RNF130: variants seen among roughly 807,000 people sequenced by gnomAD.
RNF130 encodes E3 ubiquitin-protein ligase RNF130.
Under a neutral mutation model 44.6 loss-of-function variants are expected in RNF130, and 21 were observed. The ratio of observed to expected loss-of-function variants is 0.47; its 90% CI spans 0.33 to 0.68. The LOEUF (loss-of-function observed/expected upper bound fraction) is 0.68. Ranked by LOEUF, RNF130 falls within the 30% of genes least tolerant of loss-of-function variation. The pLI, the probability that RNF130 is intolerant of heterozygous loss-of-function variation, is 0.02. For missense variants in RNF130, 479 were observed against 560.6 expected, an observed-to-expected ratio of 0.85 and a Z score of 1.47; for synonymous variants, 214 against 210.4, an observed-to-expected ratio of 1.02 and a Z score of -0.15.
intron 3 of RNF130, among the ~76,000 whole-genome samples, chr5:179,998,083 GC>G: frequency 6.7e-6 from 1 of 149,064 alleles, no homozygotes; most frequent in African/African-American, 2.5e-5. Flanking sequence ...CTCGTGATCC[GC>G]CACCTTGGCC....
chr5:180,040,553 C>T lies in RNF130; in HGVS notation c.342G>A (p.Thr114=), dbSNP rs61754470. Residue 114 remains threonine (T), a synonymous_variant, in exon 2 of 9, where the codon ACG becomes ACA. Coordinates refer to ENST00000521389, the MANE Select transcript of RNF130 (RefSeq NM_018434.6). ...CGGCCCGTGATATTTTCTCTTTAAA[C>T]GTGCAGTTTCCCCTCTGCAGCAAGG... ...WIALLQRGNC[T]FKEKISRAAF... 4,039 of 1,614,142 alleles carry T rather than the reference C, an allele frequency of 2.5e-3. 18 individuals carry two copies. Among genetic ancestry groups the T allele is most frequent in the Middle Eastern group, 8.9e-3 (54 of 6,062 alleles).
At chr5:179,929,993 G>C (rs766563477) in intron 7 of RNF130, among the ~76,000 whole-genome samples, 1 of 151,990 alleles carries the variant, frequency 6.6e-6, no homozygotes, top group Non-Finnish European at 1.5e-5. Flanking sequence ...ATATTCCTCA[G>C]TATGATGTTT....
chr5:180,029,145 G>A (rs1764064679), intron 2 of RNF130, among the ~76,000 whole-genome samples: 1 of 152,086 alleles, frequency 6.6e-6, no homozygotes, highest in African/African-American at 2.4e-5. Context: ...TATTTTAGAG[G>A]TACTATATCA....
intron 5 of RNF130, 30 bp from the exon 6 acceptor site, chr5:179,970,536 G>C: frequency 6.5e-7 from 1 of 1,530,182 alleles, no homozygotes; most frequent in Non-Finnish European, 8.9e-7. Flanking sequence ...TATGTCACAA[G>C]TTACATACCA....
At chr5:179,947,825 T>C (rs1762066814) in intron 7 of RNF130, among the ~76,000 whole-genome samples, 1 of 152,194 alleles carries the variant, frequency 6.6e-6, no homozygotes. Context: ...ATGGTATATA[T>C]ATACCTACAC....
chr5:179,971,891 CTGTT>C (rs1180069764), intron 5 of RNF130, among the ~76,000 whole-genome samples: 5 of 152,212 alleles, frequency 3.3e-5, no homozygotes, highest in African/African-American at 1.2e-4. Flanking sequence ...CTGCCTATCA[CTGTT>C]TGATGGCCTT....
At chr5:179,938,732 A>G (rs1761932706) in intron 7 of RNF130, among the ~76,000 whole-genome samples, 1 of 152,216 alleles carries the variant, frequency 6.6e-6, no homozygotes, top group African/African-American at 2.4e-5. Context: ...AACCAGAAAT[A>G]TATTATCATT....
chr5:179,933,811 A>G, intron 7 of RNF130: 1 of 710,636 alleles, frequency 1.4e-6, no homozygotes, highest in East Asian at 3.3e-5. Context: ...ATCACTAGAT[A>G]AAGAATCCCA....
intron 3 of RNF130, among the ~76,000 whole-genome samples, chr5:179,987,065 T>A (rs1438637974): frequency 2.0e-5 from 3 of 152,242 alleles, no homozygotes; most frequent in Middle Eastern, 3.2e-3. Context: ...TTTGTTTTTT[T>A]TCTACATATG....
At chr5:179,938,327 T>C (rs1167043248) in intron 7 of RNF130, among the ~76,000 whole-genome samples, 1 of 151,990 alleles carries the variant, frequency 6.6e-6, no homozygotes, top group Non-Finnish European at 1.5e-5. Context: ...ATACTTTGCA[T>C]GATTCAATTC....
intron 8 of RNF130, among the ~76,000 whole-genome samples, chr5:179,960,699 T>C (rs1278777757): frequency 6.6e-6 from 1 of 152,216 alleles, no homozygotes; most frequent in Non-Finnish European, 1.5e-5. Context: ...AAAGGTAAAC[T>C]ATTCTAGTAG....
intron 1 of RNF130, among the ~76,000 whole-genome samples, chr5:180,058,805 G>A (rs527388554): frequency 6.6e-6 from 1 of 152,114 alleles, no homozygotes; most frequent in Admixed American, 6.5e-5. Context: ...CAAGTGATCT[G>A]CCCACCTCAG....
intron 3 of RNF130, among the ~76,000 whole-genome samples, chr5:179,983,431 T>C (rs922083510): frequency 1.3e-5 from 2 of 151,964 alleles, no homozygotes; most frequent in Non-Finnish European, 2.9e-5. Flanking sequence ...TTTCTAAATC[T>C]GTCAAAAACC....
exon 8 of RNF130, chr5:179,916,465 T>C (rs1347677857): frequency 1.3e-5 from 2 of 152,248 alleles, no homozygotes; most frequent in Non-Finnish European, 2.9e-5. Flanking sequence ...GAAGAGCTTA[T>C]AAAGCCAATA....
Position 179,963,572 on chromosome 5 carries a change from C to A in RNF130, c.1151-8G>T. On this transcript the variant is annotated splice_region_variant and splice_polypyrimidine_tract_variant and intron_variant, in intron 7 of 8. Transcript: ENST00000521389. ...CAATAATAAACCATTCTTCTGTTGACAAAGGAAAGGGAGGAAATCACTCTG... is the reference window on the plus strand; with the variant it reads ...CAATAATAAACCATTCTTCTGTTGAAAAAGGAAAGGGAGGAAATCACTCTG... 1 of 1,597,228 alleles carries A rather than the reference C, an allele frequency of 6.3e-7. No homozygotes were observed. The highest frequency in any genetic ancestry group is 8.6e-7 in the Non-Finnish European group (1 of 1,165,294).
rs367630111 is a variant in RNF130 at position 180,013,169 on chromosome 5, T to C, written c.585A>G (p.Leu195=). The part of the protein sequence containing the change: ...MPPKNFSRGS[L]VFVSISFIVL... The stretch of plus-strand genomic sequence containing the variant: ...CAATAAAGGATATTGACACGAAGAC[T>C]AGAGAGCCACGGCTGAAGTTCTTCG... Residue 195 remains leucine, a synonymous_variant, in exon 3 of 9, where the codon CTA becomes CTG. Transcript: ENST00000521389. The C allele has an allele frequency of 1.2e-6, 2 of 1,614,144 alleles. No homozygotes were observed. Among genetic ancestry groups the C allele is most frequent in the Non-Finnish European group, 1.7e-6 (2 of 1,180,020 alleles).
intron 8 of RNF130, among the ~76,000 whole-genome samples, chr5:179,960,013 C>G (rs1762292057): frequency 1.3e-5 from 2 of 152,144 alleles, no homozygotes; most frequent in African/African-American, 2.4e-5. Flanking sequence ...CACTAAACTT[C>G]AAATCTCTAC....
rs1763070353 is a variant in RNF130, at chr5:179,991,015, C to T, written c.694-10815G>A. 2.0e-5 allele frequency among the ~76,000 whole-genome samples: 3 copies of T among 152,234 alleles called. No homozygotes were observed. The South Asian group carries it at 6.2e-4, about 32-fold the overall frequency. ...CCTCGGCACCTGGGTGGCTTGTTGCCCACATTTGCTTGTCTGAGAAAGACC... is the reference window on the plus strand; with the variant it reads ...CCTCGGCACCTGGGTGGCTTGTTGCTCACATTTGCTTGTCTGAGAAAGACC... On this transcript the variant is annotated intron_variant, in intron 3 of 8. Transcript: ENST00000521389.
intron 3 of RNF130, among the ~76,000 whole-genome samples, chr5:179,986,656 G>A (rs750475159): frequency 6.6e-6 from 1 of 152,114 alleles, no homozygotes; most frequent in Non-Finnish European, 1.5e-5. Context: ...AATTTTATGC[G>A]GTTATGATTT....
Sources: gnomAD v4.1 joint callset for allele counts (sites outside exome capture counted in the v4.1 genomes callset) on GRCh38, gnomAD v4.1.1 for gene constraint, MANE v1.5 for transcripts, NCBI Gene and HGNC (gene_info 2026-07-23, HGNC 2026-07-21) for gene names.